Variants in LRCH3 observed in about 807,000 individuals in gnomAD.
LRCH3 encodes DISP complex protein LRCH3.
Under a neutral mutation model 104.5 loss-of-function variants are expected in LRCH3, and 68 were observed. The ratio of observed to expected loss-of-function variants is 0.65; its 90% CI spans 0.54 to 0.80. LRCH3 has a LOEUF of 0.80. LRCH3 is among the 30% of genes least tolerant of loss of function. The probability of loss-of-function intolerance (pLI) is 0.00; values close to 1 mark genes in which losing one functional copy is unlikely to be tolerated. For synonymous variants in LRCH3, 344 were observed against 361.3 expected, an observed-to-expected ratio of 0.95 and a Z score of 0.54; for missense variants, 951 against 953.9, an observed-to-expected ratio of 1.00 and a Z score of 0.04.
At chr3:197,797,361 G>C (rs770279690) in intron 1 of LRCH3, among the ~76,000 whole-genome samples, 2 of 147,530 alleles carry the variant, frequency 1.4e-5, no homozygotes, top group Non-Finnish European at 3.0e-5. Flanking sequence ...GTAGAGTGAA[G>C]TTAATTAAGG....
chr3:197,842,493 C>G (rs1737950546), intron 10 of LRCH3, among the ~76,000 whole-genome samples: 1 of 152,176 alleles, frequency 6.6e-6, no homozygotes, highest in Non-Finnish European at 1.5e-5. Context: ...TCAGTTACAG[C>G]AACTCAAAAA....
At chr3:197,800,483 A>G (rs1369294555) in intron 1 of LRCH3, among the ~76,000 whole-genome samples, 1 of 152,220 alleles carries the variant, frequency 6.6e-6, no homozygotes, top group East Asian at 1.9e-4. Flanking sequence ...CACAGTGGGT[A>G]CTACTTTACA....
rs1714126052 is a variant in LRCH3 at position 197,885,505 on chromosome 3, G to A, written c.*1839G>A. 1 of 152,296 alleles carries A rather than the reference G, an allele frequency of 6.6e-6. No individual in the cohort carries two copies. The highest frequency in any genetic ancestry group is 1.5e-5 in the Non-Finnish European group (1 of 68,124). 9.4% of individuals were successfully genotyped at this position (152,296 alleles called of 1,614,324 possible). A position where few individuals can be genotyped will look rare whatever the true frequency, so the allele number is the denominator to read the frequency against. ...CATGCCTGTAATCCCAGCTACTCGGGAGGCTGAGGCAGGAGAATTGCTTGA... is the reference window on the plus strand; with the variant it reads ...CATGCCTGTAATCCCAGCTACTCGGAAGGCTGAGGCAGGAGAATTGCTTGA... On this transcript the variant is annotated 3_prime_UTR_variant, in exon 21 of 21. Coordinates refer to ENST00000425562, the MANE Select transcript of LRCH3 (RefSeq NM_001365715.1).
At chr3:197,796,060 C>A (rs1731180905) in intron 1 of LRCH3, among the ~76,000 whole-genome samples, 1 of 152,030 alleles carries the variant, frequency 6.6e-6, no homozygotes. Context: ...TGTGGTGAGA[C>A]AAATTTGGTC....
chr3:197,833,671 T>C (rs1447990199), intron 8 of LRCH3, among the ~76,000 whole-genome samples: 1 of 152,186 alleles, frequency 6.6e-6, no homozygotes, highest in East Asian at 1.9e-4. Context: ...TATGTTGAAG[T>C]GATATTTAGA....
intron 15 of LRCH3, among the ~76,000 whole-genome samples, chr3:197,860,717 A>G (rs915649421): frequency 7.9e-5 from 12 of 152,250 alleles, no homozygotes; most frequent in African/African-American, 2.2e-4. Context: ...TGGGCTATCC[A>G]TCACCTCAAG....
intron 1 of LRCH3, among the ~76,000 whole-genome samples, chr3:197,792,191 A>G (rs1212231017): frequency 2.0e-5 from 3 of 151,876 alleles, no homozygotes; most frequent in Non-Finnish European, 4.4e-5. Flanking sequence ...TTGACTTACA[A>G]AATAAATACG....
intron 20 of LRCH3, among the ~76,000 whole-genome samples, chr3:197,879,918 C>G (rs1713459951): frequency 6.6e-6 from 1 of 151,492 alleles, no homozygotes; most frequent in Non-Finnish European, 1.5e-5. Context: ...TCACACGACC[C>G]TAAACCAACA....
At chr3:197,862,914 T>C (rs962495791) in intron 15 of LRCH3, among the ~76,000 whole-genome samples, 4 of 152,228 alleles carry the variant, frequency 2.6e-5, no homozygotes, top group Non-Finnish European at 5.9e-5. Context: ...GATATCAAAC[T>C]AAGGAATTGT....
intron 5 of LRCH3, among the ~76,000 whole-genome samples, chr3:197,828,502 T>C (rs1018435882): frequency 2.0e-5 from 3 of 151,588 alleles, no homozygotes; most frequent in Non-Finnish European, 2.9e-5. Context: ...CCTGCCACCA[T>C]GCCTGGCTAA....
intron 1 of LRCH3, among the ~76,000 whole-genome samples, chr3:197,792,211 A>G (rs1730607153): frequency 6.6e-6 from 1 of 151,948 alleles, no homozygotes; most frequent in South Asian, 2.1e-4. Context: ...GCTTGTAAAA[A>G]TAACTAGAGC....
At chr3:197,813,508 T>G (rs958761788) in intron 1 of LRCH3, among the ~76,000 whole-genome samples, 4 of 120,752 alleles carry the variant, frequency 3.3e-5, no homozygotes, top group Admixed American at 2.0e-4. Flanking sequence ...GGGAGGCATA[T>G]AATTTTTTTT....
rs149615715 is a variant in LRCH3, at chr3:197,856,687, T to C, written c.1645-2147T>C. On this transcript the variant is annotated intron_variant, in intron 14 of 20. Coordinates refer to ENST00000425562, the MANE Select transcript of LRCH3 (RefSeq NM_001365715.1). This position sits in a 1 kb window ranked among gnomAD's most constrained non-coding sequence, Gnocchi z 4.2. ...CAGGCATGAGCCACCGTGCCCAGCT[T>C]GTTTATTCTTTTATTATCTCTTTTC... Among the ~76,000 whole-genome samples the C allele has an allele frequency of 5.1e-3, 775 of 152,138 alleles. 7 individuals are homozygous for C. The highest frequency in any genetic ancestry group is 0.018 in the African/African-American group (739 of 41,512).
intron 4 of LRCH3, among the ~76,000 whole-genome samples, chr3:197,820,915 G>T (rs1734426402): frequency 6.6e-6 from 1 of 151,998 alleles, no homozygotes; most frequent in Admixed American, 6.6e-5. Flanking sequence ...AAATCTAATG[G>T]TTTATTTAAT....
intron 15 of LRCH3, among the ~76,000 whole-genome samples, chr3:197,865,116 C>A (rs1208651184): frequency 1.3e-5 from 2 of 152,146 alleles, no homozygotes; most frequent in African/African-American, 4.8e-5. Flanking sequence ...AACCCTCCCT[C>A]CTCAGCCTCT....
Position 197,817,270 on chromosome 3 carries a change from G to A in LRCH3, c.502G>A (p.Glu168Lys), listed in dbSNP as rs1465393007. The stretch of plus-strand genomic sequence containing the variant: ...TAACAAATTGGTGTCACTTCCAGAA[G>A]AAATTGGACACCTTAGACATTTGAT... ...SNNKLVSLPE[E>K]IGHLRHLMEL... Residue 168 changes from glutamate (E) to lysine (K), a missense_variant, in exon 3 of 21, where the codon GAA becomes AAA. By Grantham distance (56) the Glu-to-Lys change is moderately conservative. Transcript: ENST00000425562. 3.1e-6 allele frequency: 5 copies of A among 1,610,322 alleles called. No individual in the cohort carries two copies. Among genetic ancestry groups the A allele is most frequent in the Admixed American group, 3.4e-5 (2 of 59,432 alleles).
Position 197,875,738 on chromosome 3 carries a change from A to C in LRCH3, c.2171A>C (p.Asn724Thr), listed in dbSNP as rs202097791. The change falls in exon 20 of 21, where the codon AAT (asparagine) becomes ACT (threonine). Residue 724 changes from asparagine (N) to threonine (T), a missense_variant. Transcript: ENST00000425562. Reference protein sequence around the residue: ...TMAKCRRNVENFLEACRKIGV... With the variant: ...TMAKCRRNVETFLEACRKIGV... Reference sequence around the variant, plus strand: ...GCGAAATGCAGGCGAAATGTGGAAAATTTCCTAGAAGCTTGCAGAAAAATT... The same window carrying C: ...GCGAAATGCAGGCGAAATGTGGAAACTTTCCTAGAAGCTTGCAGAAAAATT... 8.1e-4 allele frequency: 1,240 copies of C among 1,534,838 alleles called. 3 individuals carry two copies. The highest frequency in any genetic ancestry group is 1.0e-3 in the Non-Finnish European group (1,163 of 1,146,724).
At chr3:197,826,807 T>C in intron 4 of LRCH3, 71 bp from the exon 5 acceptor site, 1 of 1,558,408 alleles carries the variant, frequency 6.4e-7, no homozygotes, top group Non-Finnish European at 8.8e-7. Flanking sequence ...CACATTTAAC[T>C]AGAAGCTTTG....
intron 9 of LRCH3, among the ~76,000 whole-genome samples, chr3:197,838,149 G>A (rs1172385259): frequency 1.3e-5 from 2 of 151,814 alleles, no homozygotes; most frequent in African/African-American, 4.8e-5. Context: ...GCTTGGCCTG[G>A]TGGCTCCTTC....
Sources: allele counts gnomAD v4.1 joint callset (sites outside exome capture counted in the v4.1 genomes callset), GRCh38; gene constraint gnomAD v4.1.1; non-coding constraint Gnocchi (gnomAD v3.1); transcripts MANE v1.5; gene names NCBI Gene and HGNC (gene_info 2026-07-23, HGNC 2026-07-21).